Variants in PGCKA1 observed in about 807,000 individuals in gnomAD.
The protein encoded by PGCKA1 is PDCD10 and GCKIII kinases associated 1, also known as PDCD10 and GCKIII kinases-associated protein 1.
the PGCKA1 span, among the ~76,000 whole-genome samples, chr4:37,502,013 C>A: frequency 6.6e-6 from 1 of 152,188 alleles, no homozygotes; most frequent in Admixed American, 6.5e-5. Context: ...GCTCCCATCT[C>A]CTAGACTGCA....
At chr4:37,499,035 G>T in the PGCKA1 span, among the ~76,000 whole-genome samples, 1 of 152,132 alleles carries the variant, frequency 6.6e-6, no homozygotes, top group Non-Finnish European at 1.5e-5. Flanking sequence ...TAAAATGAAG[G>T]GGCGTTGAAT....
chr4:37,508,125 T>C, the PGCKA1 span, among the ~76,000 whole-genome samples: 7 of 152,162 alleles, frequency 4.6e-5, no homozygotes, highest in Non-Finnish European at 8.8e-5. Context: ...TTTTTTATCC[T>C]TGACCTTTGG....
the PGCKA1 span, among the ~76,000 whole-genome samples, chr4:37,528,987 G>A: frequency 1.3e-5 from 2 of 152,044 alleles, no homozygotes; most frequent in Non-Finnish European, 2.9e-5. Flanking sequence ...TAGGTAATCT[G>A]GCTCAATACT....
the PGCKA1 span, among the ~76,000 whole-genome samples, chr4:37,464,720 C>T: frequency 6.6e-6 from 1 of 152,222 alleles, no homozygotes; most frequent in Non-Finnish European, 1.5e-5. Context: ...GAATTTCTAA[C>T]TAGAGATGTA....
At chr4:37,482,367 T>A in the PGCKA1 span, among the ~76,000 whole-genome samples, 1 of 152,118 alleles carries the variant, frequency 6.6e-6, no homozygotes, top group South Asian at 2.1e-4. Context: ...CCAATGGAGA[T>A]GAAGAACTTG....
chr4:37,548,001 C>CAAAAA, the PGCKA1 span, among the ~76,000 whole-genome samples: 6 of 115,736 alleles, frequency 5.2e-5, no homozygotes, highest in African/African-American at 1.9e-4. Context: ...TGGTTATCTT[C>CAAAAA]AAAAAAAAAA....
the PGCKA1 span, among the ~76,000 whole-genome samples, chr4:37,505,396 G>T: frequency 6.6e-6 from 1 of 151,956 alleles, no homozygotes; most frequent in Non-Finnish European, 1.5e-5. Context: ...TGTTTTTGAT[G>T]TGTCTTTGTC....
chr4:37,464,545 A>T, the PGCKA1 span, among the ~76,000 whole-genome samples: 1 of 152,190 alleles, frequency 6.6e-6, no homozygotes, highest in African/African-American at 2.4e-5. Flanking sequence ...CAAATGTAAA[A>T]TACATCTGGA....
chr4:37,535,162 G>A, the PGCKA1 span, among the ~76,000 whole-genome samples: 1 of 152,166 alleles, frequency 6.6e-6, no homozygotes, highest in South Asian at 2.1e-4. Context: ...AGGGCTTTCC[G>A]GAGAGAAGGC....
At chr4:37,549,404 G>A in the PGCKA1 span, among the ~76,000 whole-genome samples, 1 of 152,174 alleles carries the variant, frequency 6.6e-6, no homozygotes. Flanking sequence ...CAAGGCCAGT[G>A]GCCTATCTCT....
At chr4:37,482,467 G>C in the PGCKA1 span, among the ~76,000 whole-genome samples, 3 of 152,172 alleles carry the variant, frequency 2.0e-5, no homozygotes, top group Admixed American at 2.0e-4. Flanking sequence ...CTTTGAACTT[G>C]AAAGAGATAA....
chr4:37,486,607 A>G, the PGCKA1 span, among the ~76,000 whole-genome samples: 14 of 152,222 alleles, frequency 9.2e-5, no homozygotes, highest in Admixed American at 9.2e-4. Flanking sequence ...GCCAAGTGAT[A>G]GTATCATATG....
At chr4:37,555,782 G>A in the PGCKA1 span, among the ~76,000 whole-genome samples, 112 of 152,194 alleles carry the variant, frequency 7.4e-4, no homozygotes, top group African/African-American at 2.4e-3. Flanking sequence ...CTTTTCTACT[G>A]CTGCTTGTCT....
At chr4:37,526,089 C>T in the PGCKA1 span, among the ~76,000 whole-genome samples, 2 of 152,206 alleles carry the variant, frequency 1.3e-5, no homozygotes, top group African/African-American at 4.8e-5. Context: ...AGGACACAAG[C>T]AAATCCTTAG....
the PGCKA1 span, among the ~76,000 whole-genome samples, chr4:37,488,473 A>G: frequency 3.3e-5 from 5 of 152,302 alleles, no homozygotes; most frequent in African/African-American, 9.6e-5. Context: ...AAGCACTTGG[A>G]TATTGGAACA....
the PGCKA1 span, among the ~76,000 whole-genome samples, chr4:37,575,098 T>TC: frequency 6.6e-6 from 1 of 152,182 alleles, no homozygotes; most frequent in African/African-American, 2.4e-5. Flanking sequence ...TGATTTCCTT[T>TC]CTCATGGATA....
chr4:37,468,103 C>T, the PGCKA1 span, among the ~76,000 whole-genome samples: 1 of 152,200 alleles, frequency 6.6e-6, no homozygotes, highest in African/African-American at 2.4e-5. Flanking sequence ...CCCGAACTTC[C>T]GGAAGGAAAT....
the PGCKA1 span, among the ~76,000 whole-genome samples, chr4:37,592,580 A>G: frequency 1.3e-5 from 2 of 152,228 alleles, no homozygotes; most frequent in African/African-American, 4.8e-5. Context: ...ATTTAAAGGC[A>G]TTAAGGATGC....
the PGCKA1 span, among the ~76,000 whole-genome samples, chr4:37,462,031 A>G: frequency 6.6e-6 from 1 of 152,018 alleles, no homozygotes; most frequent in East Asian, 1.9e-4. Flanking sequence ...AAAGAAGGAT[A>G]CTTTTTGGTG....
Sources: allele counts gnomAD v4.1 joint callset (sites outside exome capture counted in the v4.1 genomes callset), GRCh38; gene constraint gnomAD v4.1.1; transcripts MANE v1.5; gene names NCBI Gene and HGNC (gene_info 2026-07-23, HGNC 2026-07-21).